MAGI2: variants seen among roughly 807,000 people sequenced by gnomAD.
MAGI2 encodes the protein membrane associated guanylate kinase, WW and PDZ domain containing 2.
Under a neutral mutation model 133.3 loss-of-function variants are expected in MAGI2, and 35 were observed. The observed-to-expected ratio is 0.26, with a 90% CI of 0.20 to 0.35. The LOEUF (loss-of-function observed/expected upper bound fraction) is 0.35, where lower values mean the gene tolerates loss of function less well. MAGI2 is among the 10% of genes least tolerant of loss of function. MAGI2 has a pLI of 1.00. For missense variants in MAGI2, 1,636 were observed against 1,863.4 expected (o/e 0.88, Z 2.25); for synonymous variants, 729 against 710.6 (o/e 1.03, Z -0.41).
At chr7:78,069,923 A>C (rs1355026536) in intron 21 of MAGI2, among the ~76,000 whole-genome samples, 1 of 151,898 alleles carries the variant, frequency 6.6e-6, no homozygotes, top group Non-Finnish European at 1.5e-5. Flanking sequence ...GAGGAGCTGG[A>C]ACCTTTAGGT....
In MAGI2 at chr7:78,019,555, C is replaced by T; in HGVS notation, c.4128G>A (p.Glu1376=). Residue 1376 remains glutamate, a synonymous_variant, in exon 22 of 22, where the codon GAG becomes GAA. Transcript: ENST00000354212. ...CCCCCGGGCCTTCGCGCCGGCAGAG[C>T]TCGGAGCCCGCCGCCGCACGGGGCG... ...KEAPRAAAGS[E]LCRREGPGAA... is the part of the protein sequence containing the mutation. 2.0e-6 allele frequency: 2 copies of T among 980,528 alleles called. No individual in the cohort carries two copies. Among genetic ancestry groups the T allele is most frequent in the Non-Finnish European group, 2.4e-6 (2 of 828,180 alleles). The allele number at this position is 980,528 out of a possible 1,614,324, so 60.7% of individuals were successfully genotyped here. A position where few individuals can be genotyped will look rare whatever the true frequency, so the allele number is the denominator to read the frequency against.
At chr7:78,102,216 A>G (rs1352846769) in intron 20 of MAGI2, among the ~76,000 whole-genome samples, 1 of 152,164 alleles carries the variant, frequency 6.6e-6, no homozygotes, top group African/African-American at 2.4e-5. Context: ...GGAAAAGGGG[A>G]GATAATGGTG....
At chr7:79,417,016 G>A (rs781060858) in intron 1 of MAGI2, among the ~76,000 whole-genome samples, 1 of 151,924 alleles carries the variant, frequency 6.6e-6, no homozygotes, top group Non-Finnish European at 1.5e-5. Flanking sequence ...ACAGGCATGA[G>A]CCACCATGCC....
chr7:79,157,390 C>T (rs1823884076), intron 1 of MAGI2, among the ~76,000 whole-genome samples: 1 of 151,786 alleles, frequency 6.6e-6, no homozygotes, highest in African/African-American at 2.4e-5. Context: ...GCTGATCACC[C>T]AGTGTTTTGA....
chr7:78,601,314 G>A (rs575947617), intron 3 of MAGI2, among the ~76,000 whole-genome samples: 28 of 152,188 alleles, frequency 1.8e-4, no homozygotes, highest in Admixed American at 4.6e-4. Context: ...TAGAACACAA[G>A]TTGGTTAGAT....
At chr7:79,102,307 C>G (rs1406343448) in intron 1 of MAGI2, among the ~76,000 whole-genome samples, 1 of 152,014 alleles carries the variant, frequency 6.6e-6, no homozygotes, top group African/African-American at 2.4e-5. Context: ...ATTAATATAC[C>G]TAAGCTAAAT....
intron 2 of MAGI2, among the ~76,000 whole-genome samples, chr7:78,722,181 T>C (rs1249980321): frequency 2.0e-5 from 3 of 151,582 alleles, no homozygotes; most frequent in Admixed American, 6.6e-5. Flanking sequence ...TTTGAATGTA[T>C]TGTTTAATCT....
At chr7:78,239,209 T>A (rs936682690) in intron 10 of MAGI2, among the ~76,000 whole-genome samples, 1 of 152,154 alleles carries the variant, frequency 6.6e-6, no homozygotes, top group Non-Finnish European at 1.5e-5. Flanking sequence ...AATATCCCCA[T>A]GCAGAAGGAT....
chr7:78,215,056 AG>A (rs1788132078), intron 10 of MAGI2, among the ~76,000 whole-genome samples: 1 of 152,206 alleles, frequency 6.6e-6, no homozygotes, highest in Non-Finnish European at 1.5e-5. Context: ...TGAAGACAAA[AG>A]AGGATCACGG....
intron 2 of MAGI2, among the ~76,000 whole-genome samples, chr7:78,816,436 C>A (rs1306364071): frequency 6.6e-6 from 1 of 152,162 alleles, no homozygotes; most frequent in African/African-American, 2.4e-5. Flanking sequence ...ATGAAACAGC[C>A]TTCTATTTGA....
chr7:79,169,226 C>A (rs955094584), intron 1 of MAGI2, among the ~76,000 whole-genome samples: 1 of 151,796 alleles, frequency 6.6e-6, no homozygotes, highest in Non-Finnish European at 1.5e-5. Flanking sequence ...TGAGCTGGAC[C>A]GTTTTCAGTT....
chr7:78,360,882 T>C (rs1185234884), intron 7 of MAGI2, among the ~76,000 whole-genome samples: 1 of 152,182 alleles, frequency 6.6e-6, no homozygotes, highest in Admixed American at 6.5e-5. Context: ...GGAAGGAGCA[T>C]GGTCCTTCTT....
intron 6 of MAGI2, among the ~76,000 whole-genome samples, chr7:78,480,727 G>A (rs1031638010): frequency 6.6e-6 from 1 of 151,784 alleles, no homozygotes; most frequent in Non-Finnish European, 1.5e-5. Context: ...GCAAGTACAT[G>A]AGATCTATGA....
intron 6 of MAGI2, among the ~76,000 whole-genome samples, chr7:78,426,983 G>T (rs1167376715): frequency 6.6e-6 from 1 of 152,088 alleles, no homozygotes; most frequent in Non-Finnish European, 1.5e-5. Context: ...ACATGTGGGT[G>T]GCAAGTAGAA....
chr7:79,431,875 C>G (rs185606985), intron 1 of MAGI2, among the ~76,000 whole-genome samples: 22 of 152,250 alleles, frequency 1.4e-4, no homozygotes, highest in African/African-American at 4.8e-4. Context: ...AGGGTGTAGA[C>G]TTTTAAGTCA....
intron 2 of MAGI2, among the ~76,000 whole-genome samples, chr7:78,678,009 G>A (rs555830168): frequency 1.3e-5 from 2 of 152,184 alleles, no homozygotes; most frequent in South Asian, 4.1e-4. Flanking sequence ...AGGGGCAAAG[G>A]AAAAATTCAT....
chr7:78,250,321 G>C (rs527806272), intron 10 of MAGI2, among the ~76,000 whole-genome samples: 1 of 152,014 alleles, frequency 6.6e-6, no homozygotes, highest in East Asian at 1.9e-4. Flanking sequence ...GAAATTACAA[G>C]GGAAATAAAT....
intron 1 of MAGI2, among the ~76,000 whole-genome samples, chr7:79,050,071 A>G (rs781666507): frequency 2.6e-5 from 4 of 152,120 alleles, no homozygotes; most frequent in Non-Finnish European, 4.4e-5. Flanking sequence ...AAGTTCCTTC[A>G]AAGGTGATTT....
At chr7:78,853,345 T>A in intron 2 of MAGI2, among the ~76,000 whole-genome samples, 1 of 77,790 alleles carries the variant, frequency 1.3e-5, no homozygotes, top group African/African-American at 4.9e-5. Context: ...TTTTTTTTTT[T>A]TTTTTTTTTT....
Sources: gnomAD v4.1 joint callset for allele counts (sites outside exome capture counted in the v4.1 genomes callset) on GRCh38, gnomAD v4.1.1 for gene constraint, MANE v1.5 for transcripts, NCBI Gene and HGNC (gene_info 2026-07-23, HGNC 2026-07-21) for gene names.